The following PCNX2 variants were observed in gnomAD, a reference collection of about 807,000 sequenced individuals.
The protein encoded by PCNX2 is pecanex 2.
In PCNX2, 168 loss-of-function variants were observed where a neutral mutation model predicts 223.8. The observed-to-expected ratio is 0.75, with a 90% CI of 0.66 to 0.85. The LOEUF (loss-of-function observed/expected upper bound fraction) is 0.85, where lower values mean the gene tolerates loss of function less well. PCNX2 is among the 40% of genes least tolerant of loss of function. The pLI is 0.00. For synonymous variants in PCNX2, 1,006 were observed against 1,052.6 expected, an observed-to-expected ratio of 0.96 and a Z score of 0.86; for missense variants, 2,507 against 2,675.5, an observed-to-expected ratio of 0.94 and a Z score of 1.39.
intron 21 of PCNX2, among the ~76,000 whole-genome samples, chr1:233,111,721 T>C (rs186645085): frequency 1.6e-3 from 242 of 152,292 alleles, no homozygotes; most frequent in African/African-American, 5.6e-3. Context: ...ATTTTTTATA[T>C]GTCTGTCTCT....
intron 28 of PCNX2, among the ~76,000 whole-genome samples, chr1:233,004,842 G>A (rs969490189): frequency 3.3e-5 from 5 of 152,192 alleles, no homozygotes; most frequent in African/African-American, 7.2e-5. Flanking sequence ...AGCAGACTGC[G>A]GGAAACAGGA....
intron 19 of PCNX2, among the ~76,000 whole-genome samples, chr1:233,140,690 CG>C (rs1404767858): frequency 6.6e-6 from 1 of 152,132 alleles, no homozygotes; most frequent in East Asian, 1.9e-4. Context: ...GAGCAGCTGG[CG>C]TGAGTGGTCA....
upstream of PCNX2, among the ~76,000 whole-genome samples, chr1:233,298,453 ATG>A (rs1274301363): frequency 2.6e-5 from 4 of 152,216 alleles, no homozygotes; most frequent in African/African-American, 9.6e-5. Context: ...AAAAGATTGA[ATG>A]TGTAGTGAAT....
intron 17 of PCNX2, among the ~76,000 whole-genome samples, chr1:233,166,762 T>G (rs909223769): frequency 6.6e-6 from 1 of 152,140 alleles, no homozygotes; most frequent in African/African-American, 2.4e-5. Context: ...CTCCAAAAAT[T>G]TTATCCTGGA....
At chr1:233,221,431 C>T (rs1294073153) in intron 10 of PCNX2, among the ~76,000 whole-genome samples, 1 of 151,954 alleles carries the variant, frequency 6.6e-6, no homozygotes, top group Non-Finnish European at 1.5e-5. Flanking sequence ...AATAAGGTTC[C>T]TAAAACATAT....
chr1:233,289,402 G>T, intron 1 of PCNX2: 1 of 1,412,942 alleles, frequency 7.1e-7, no homozygotes, highest in Non-Finnish European at 1.0e-6. Flanking sequence ...AACTCGTCCG[G>T]CTTCTCGCCA....
At chr1:233,112,894 C>T (rs1279996955) in intron 21 of PCNX2, 1 of 1,289,238 alleles carries the variant, frequency 7.8e-7, no homozygotes, top group East Asian at 5.6e-5. Flanking sequence ...TCAGCCCCTC[C>T]CATGAGATGA....
chr1:233,100,349 C>A (rs1324118846), intron 21 of PCNX2, among the ~76,000 whole-genome samples: 4 of 140,586 alleles, frequency 2.8e-5, no homozygotes, highest in African/African-American at 8.0e-5. Context: ...ACCTGGGAAG[C>A]AGAAGTTTCA....
At chr1:233,098,923 CAT>C (rs1674329522) in intron 21 of PCNX2, among the ~76,000 whole-genome samples, 1 of 152,210 alleles carries the variant, frequency 6.6e-6, no homozygotes, top group Non-Finnish European at 1.5e-5. Flanking sequence ...GCCTGGCAAA[CAT>C]AAATGTTACA....
intron 25 of PCNX2, among the ~76,000 whole-genome samples, chr1:233,033,659 C>T (rs142296555): frequency 8.7e-4 from 133 of 152,252 alleles, no homozygotes; most frequent in African/African-American, 2.4e-3. Flanking sequence ...TAATATTTCA[C>T]GGTGCAGGAC....
In PCNX2 at chr1:232,990,134, A is replaced by C. The variant is rs1305950900; in HGVS notation, c.5792-3594T>G. Among the ~76,000 whole-genome samples the C allele has an allele frequency of 6.6e-6, 1 of 152,228 alleles. No individual in the cohort carries two copies. The highest frequency in any genetic ancestry group is 1.5e-5 in the Non-Finnish European group (1 of 68,050). ...GGTGAGAAGGAGGCCAGAGACTGAA[A>C]TCAAATCCAGTTATCCTCACATCCC... On this transcript the variant is annotated intron_variant, in intron 32 of 33. Transcript: ENST00000258229. The surrounding 1 kb of genome is among the most constrained non-coding windows in gnomAD (Gnocchi z 4.3).
intron 26 of PCNX2, among the ~76,000 whole-genome samples, chr1:233,019,566 G>A (rs533011621): frequency 3.9e-5 from 6 of 152,182 alleles, no homozygotes; most frequent in African/African-American, 9.6e-5. Context: ...GGCCTGGCCC[G>A]TTGATATGTG....
In PCNX2 at chr1:233,179,144, A is replaced by C; in HGVS notation, c.3098T>G (p.Leu1033Arg). 1 of 1,613,922 alleles carries C rather than the reference A, an allele frequency of 6.2e-7. No homozygotes were observed. The change falls in exon 16 of 34, where the codon CTG becomes CGG. Residue 1033 changes from leucine to arginine, a missense_variant. By Grantham distance (102) the Leu-to-Arg change is moderately radical. This residue lies in a region of PCNX2 where 1,372 missense variants were observed against 1,509.4 expected (regional missense o/e 0.91). Coordinates refer to ENST00000258229, the MANE Select transcript of PCNX2 (RefSeq NM_014801.4). ...EPWSMQHIPA[L>R]FSAFCGLLVA... ...CAAGAGGCCACAGAAGGCCGAAAACAGTGCCGGGATGTGTTGCATGCTCCA... is the reference window on the plus strand; with the variant it reads ...CAAGAGGCCACAGAAGGCCGAAAACCGTGCCGGGATGTGTTGCATGCTCCA...
chr1:233,242,426 A>T (rs1215284142), intron 8 of PCNX2, among the ~76,000 whole-genome samples: 2 of 152,196 alleles, frequency 1.3e-5, no homozygotes, highest in Non-Finnish European at 2.9e-5. Flanking sequence ...TGAGTTATAG[A>T]TCCTCAAAAT....
chr1:232,999,230 C>T lies in PCNX2; in HGVS notation c.5478G>A (p.Gly1826=), dbSNP rs770189432. Reference sequence around the variant, plus strand: ...TTAGTGGGGAGACATACATGGGGTACCCCAGGGGCTGATCGCAGGAGGAGT... The same window carrying T: ...TTAGTGGGGAGACATACATGGGGTATCCCAGGGGCTGATCGCAGGAGGAGT... ...LINSSCDQPL[G]YPMYVSPLTT... Residue 1826 remains glycine, a synonymous_variant, in exon 31 of 34, where the codon GGG becomes GGA. Coordinates refer to ENST00000258229, the MANE Select transcript of PCNX2 (RefSeq NM_014801.4). 1.2e-6 allele frequency: 2 copies of T among 1,613,726 alleles called. No individual in the cohort carries two copies. The highest frequency in any genetic ancestry group is 1.1e-5 in the South Asian group (1 of 91,038).
intron 1 of PCNX2, chr1:233,285,197 A>G (rs1661388451): frequency 6.0e-6 from 1 of 167,776 alleles, no homozygotes; most frequent in Admixed American, 6.5e-5. Flanking sequence ...TACAAAAAAT[A>G]AGAAATTAGC....
At chr1:233,298,055 G>T (rs1037448213), upstream of PCNX2, among the ~76,000 whole-genome samples, 4 of 152,102 alleles carry the variant, frequency 2.6e-5, no homozygotes, top group African/African-American at 9.7e-5. Flanking sequence ...CAAGCCATCA[G>T]GGAGAGAATG....
rs765378225 is a variant in PCNX2 at position 233,261,102 on chromosome 1, TA to T, written c.517+182del. Among the ~76,000 whole-genome samples, 3 of 152,316 alleles carry T rather than the reference TA, an allele frequency of 2.0e-5. No individual in the cohort carries two copies. The East Asian group carries it at 5.8e-4, about 29-fold the overall frequency. On this transcript the variant is annotated intron_variant, in intron 4 of 33. Transcript: ENST00000258229. ...TATCACAATTTGAATTAAGACTTGATATACAAATACCGATGAGAAAAAATTA... is the reference window on the plus strand; with the variant it reads ...TATCACAATTTGAATTAAGACTTGATTACAAATACCGATGAGAAAAAATTA...
chr1:233,175,255 G>A (rs1020227699), intron 17 of PCNX2, among the ~76,000 whole-genome samples: 1 of 152,028 alleles, frequency 6.6e-6, no homozygotes, highest in Non-Finnish European at 1.5e-5. Context: ...TTATAATTAG[G>A]CCAGAGACTT....
Sources: gnomAD v4.1 joint callset for allele counts (sites outside exome capture counted in the v4.1 genomes callset) on GRCh38, gnomAD v4.1.1 for gene constraint, gnomAD v4.1.1 regional missense constraint, Gnocchi (gnomAD v3.1) non-coding constraint, MANE v1.5 for transcripts, NCBI Gene and HGNC (gene_info 2026-07-23, HGNC 2026-07-21) for gene names.